Variants in DAB1 observed in about 807,000 individuals in gnomAD.
DAB1 encodes the protein DAB adaptor protein 1.
A neutral mutation model predicts 64.6 loss-of-function variants in DAB1; 15 were observed. The observed-to-expected ratio is 0.23, with a 90% CI of 0.16 to 0.36. The LOEUF is 0.36. Ranked by LOEUF, DAB1 falls within the 10% of genes least tolerant of loss-of-function variation. The pLI, the probability that DAB1 is intolerant of heterozygous loss-of-function variation, is 1.00. For synonymous variants in DAB1, 235 were observed against 251.9 expected, an observed-to-expected ratio of 0.93 and a Z score of 0.64; for missense variants, 596 against 706.7, an observed-to-expected ratio of 0.84 and a Z score of 1.78.
chr1:57,352,013 T>A (rs1460356383), intron 1 of DAB1, among the ~76,000 whole-genome samples: 2 of 152,034 alleles, frequency 1.3e-5, no homozygotes, highest in African/African-American at 4.8e-5. Context: ...ATACCTATAA[T>A]CCCTTTACAT....
chr1:57,036,222 G>A (rs72903354), intron 9 of DAB1, among the ~76,000 whole-genome samples: 2,685 of 152,146 alleles, frequency 0.018, 64 homozygotes, highest in African/African-American at 0.057. Context: ...CCACTCAAGA[G>A]CCCAACACTT....
At chr1:58,335,077 G>A (rs1455239877) in intron 4 of DAB1, among the ~76,000 whole-genome samples, 2 of 152,164 alleles carry the variant, frequency 1.3e-5, no homozygotes, top group East Asian at 1.9e-4. Context: ...AGCAGGGTAA[G>A]TAAGAGAATA....
chr1:57,554,245 G>A (rs1351702603), intron 7 of DAB1, among the ~76,000 whole-genome samples: 1 of 152,208 alleles, frequency 6.6e-6, no homozygotes, highest in Non-Finnish European at 1.5e-5. Flanking sequence ...TTGGAGAAGT[G>A]CAATGCAGTG....
At chr1:57,984,916 GT>G (rs34070813) in intron 5 of DAB1, among the ~76,000 whole-genome samples, 1 of 149,592 alleles carries the variant, frequency 6.7e-6, no homozygotes. Flanking sequence ...AGTTGTTGTT[GT>G]TTTTTTTTTG....
At chr1:58,473,915 C>G in intron 3 of DAB1, 8 of 1,134,006 alleles carry the variant, frequency 7.1e-6, no homozygotes, top group Non-Finnish European at 9.6e-6. Flanking sequence ...AGCTGTTGAG[C>G]GTTAACTCTG....
chr1:57,505,188 T>C (rs1017680835), intron 7 of DAB1, among the ~76,000 whole-genome samples: 12 of 152,242 alleles, frequency 7.9e-5, no homozygotes, highest in African/African-American at 2.4e-4. Context: ...GATCTCTCTG[T>C]ATAATCTTTG....
chr1:57,468,495 A>G (rs1174979634), intron 7 of DAB1, among the ~76,000 whole-genome samples: 3 of 152,206 alleles, frequency 2.0e-5, no homozygotes, highest in Non-Finnish European at 4.4e-5. Context: ...TTTTGAGGGA[A>G]ATAGAAAAGA....
At chr1:57,785,654 T>G (rs1030381711) in intron 6 of DAB1, among the ~76,000 whole-genome samples, 1 of 152,166 alleles carries the variant, frequency 6.6e-6, no homozygotes, top group Non-Finnish European at 1.5e-5. Flanking sequence ...GTGACTGAAT[T>G]TCTGTAACCT....
At chr1:57,590,268 G>A (rs1935045) in intron 7 of DAB1, among the ~76,000 whole-genome samples, 146,426 of 152,096 alleles carry the variant, frequency 0.96, 70,698 homozygotes, top group East Asian at 1. Context: ...ACTATGGCCT[G>A]AACCTTATGA....
intron 6 of DAB1, among the ~76,000 whole-genome samples, chr1:57,753,037 C>T (rs573532916): frequency 6.6e-6 from 1 of 152,278 alleles, no homozygotes; most frequent in Non-Finnish European, 1.5e-5. Flanking sequence ...GGGGCTGGAA[C>T]AGCATGTTGG....
chr1:58,017,442 A>G (rs1646757071), intron 5 of DAB1, among the ~76,000 whole-genome samples: 1 of 152,076 alleles, frequency 6.6e-6, no homozygotes, highest in African/African-American at 2.4e-5. Flanking sequence ...TCTTTCCAAA[A>G]TCATGCATGG....
At chr1:58,065,319 A>T (rs992750966) in intron 5 of DAB1, among the ~76,000 whole-genome samples, 10 of 152,308 alleles carry the variant, frequency 6.6e-5, no homozygotes, top group African/African-American at 2.4e-4. Flanking sequence ...AATTCAACTG[A>T]TACTTATTGA....
intron 7 of DAB1, among the ~76,000 whole-genome samples, chr1:57,446,096 C>G (rs182334423): frequency 6.6e-6 from 1 of 152,278 alleles, no homozygotes; most frequent in African/African-American, 2.4e-5. Flanking sequence ...ACTTATCTAC[C>G]TATACAGCCA....
At chr1:58,322,394 AAAAAAAC>A (rs1291214742) in intron 4 of DAB1, among the ~76,000 whole-genome samples, 1 of 138,802 alleles carries the variant, frequency 7.2e-6, no homozygotes, top group Non-Finnish European at 1.5e-5. Flanking sequence ...AATTTACAAG[AAAAAAAC>A]AAAAAACCCC....
chr1:57,068,734 G>C (rs960838519), intron 8 of DAB1, among the ~76,000 whole-genome samples: 1 of 152,156 alleles, frequency 6.6e-6, no homozygotes, highest in Non-Finnish European at 1.5e-5. Flanking sequence ...ACCCATGCCT[G>C]GGTTTGAATC....
downstream of DAB1, among the ~76,000 whole-genome samples, chr1:57,823,785 T>A (rs2101897738): frequency 6.6e-6 from 1 of 152,258 alleles, no homozygotes; most frequent in African/African-American, 2.4e-5. Flanking sequence ...GCATATGTCA[T>A]CTAATAGAAT....
chr1:57,486,232 C>T (rs140292122), intron 7 of DAB1, among the ~76,000 whole-genome samples: 94 of 152,286 alleles, frequency 6.2e-4, no homozygotes, highest in African/African-American at 2.1e-3. Context: ...TCTGGGACAT[C>T]GATATTGCCC....
chr1:57,079,951 C>T (rs973532549), intron 4 of DAB1, among the ~76,000 whole-genome samples: 6 of 152,074 alleles, frequency 3.9e-5, no homozygotes, highest in African/African-American at 1.2e-4. Flanking sequence ...TGTCTGCCTC[C>T]GCCACTAGAG....
chr1:57,720,753 G>A (rs945613889), intron 6 of DAB1, among the ~76,000 whole-genome samples: 18 of 152,162 alleles, frequency 1.2e-4, no homozygotes, highest in African/African-American at 2.9e-4. Flanking sequence ...CTTCTTTCCC[G>A]TAGTCTTATT....
Sources: allele counts gnomAD v4.1 joint callset (sites outside exome capture counted in the v4.1 genomes callset), GRCh38; gene constraint gnomAD v4.1.1; transcripts MANE v1.5; gene names NCBI Gene and HGNC (gene_info 2026-07-23, HGNC 2026-07-21).